MMP26: variants seen among roughly 807,000 people sequenced by gnomAD.
MMP26 encodes the protein matrix metalloproteinase-26.
MMP26 carries 33 observed loss-of-function variants against 31.0 expected under a neutral mutation model. The observed-to-expected ratio is 1.06, with a 90% CI of 0.81 to 1.42. The LOEUF (loss-of-function observed/expected upper bound fraction) is 1.42, where lower values mean the gene tolerates loss of function less well. MMP26 is among the 40% of genes most tolerant of loss of function. The probability of loss-of-function intolerance (pLI) is 0.00; values close to 1 mark genes in which losing one functional copy is unlikely to be tolerated. For missense variants in MMP26, 347 were observed against 316.1 expected, an observed-to-expected ratio of 1.10 and a Z score of -0.74; for synonymous variants, 122 against 114.9, an observed-to-expected ratio of 1.06 and a Z score of -0.40.
At chr11:4,785,754 A>G (rs1278115001) in intron 2 of MMP26, among the ~76,000 whole-genome samples, 1 of 152,220 alleles carries the variant, frequency 6.6e-6, no homozygotes, top group Non-Finnish European at 1.5e-5. Context: ...GGAGATAACT[A>G]TAATTAAGCA....
intron 2 of MMP26, chr11:4,821,510 C>A: frequency 2.5e-6 from 4 of 1,612,066 alleles, no homozygotes; most frequent in South Asian, 1.1e-5. Context: ...TACTGGATCT[C>A]CATCCCTTTT....
intron 2 of MMP26, chr11:4,769,219 A>C: frequency 6.2e-7 from 1 of 1,613,898 alleles, no homozygotes; most frequent in Non-Finnish European, 8.5e-7. Context: ...GCCATTCTTC[A>C]GGGGAGGCAA....
chr11:4,778,379 G>A (rs546473977), intron 2 of MMP26, among the ~76,000 whole-genome samples: 11 of 151,956 alleles, frequency 7.2e-5, no homozygotes, highest in African/African-American at 1.2e-4. Context: ...TCTGGTATTC[G>A]TTATTAAAAT....
intron 1 of MMP26, among the ~76,000 whole-genome samples, chr11:4,738,862 T>A (rs147261572): frequency 2.6e-5 from 4 of 152,188 alleles, no homozygotes; most frequent in Non-Finnish European, 5.9e-5. Flanking sequence ...ATATGTAGCC[T>A]TTTAAGGAAA....
intron 2 of MMP26, chr11:4,860,117 C>T (rs1356797455): frequency 2.1e-6 from 1 of 471,066 alleles, no homozygotes; most frequent in Non-Finnish European, 4.4e-6. Context: ...CGGGTGAGGA[C>T]AGCTATTCCA....
chr11:4,904,804 T>G (rs888438957), intron 2 of MMP26, among the ~76,000 whole-genome samples: 1 of 152,192 alleles, frequency 6.6e-6, no homozygotes, highest in Non-Finnish European at 1.5e-5. Flanking sequence ...TATTTTATAT[T>G]TCTTCCATTC....
chr11:4,838,244 G>GGAGGCA (rs1167128378), intron 2 of MMP26, among the ~76,000 whole-genome samples: 2 of 135,326 alleles, frequency 1.5e-5, no homozygotes, highest in East Asian at 4.7e-4. Flanking sequence ...CATGAACCCA[G>GGAGGCA]GAGGCAGAAC....
chr11:4,817,986 G>T (rs1297479483), intron 2 of MMP26, among the ~76,000 whole-genome samples: 1 of 152,154 alleles, frequency 6.6e-6, no homozygotes, highest in Non-Finnish European at 1.5e-5. Flanking sequence ...GTCTAAACTG[G>T]GGGACAAGAG....
chr11:4,766,289 A>C (rs1407715049), intron 1 of MMP26, among the ~76,000 whole-genome samples: 1 of 152,162 alleles, frequency 6.6e-6, no homozygotes, highest in Non-Finnish European at 1.5e-5. Flanking sequence ...CAGGAGATAG[A>C]ATTATGCGAA....
chr11:4,923,775 G>T lies in MMP26; in HGVS notation c.-144-64293G>T, dbSNP rs546668814. On this transcript the variant is annotated intron_variant, in intron 2 of 7. Transcript: ENST00000380390. ...TTGACAATGATGCTAGAGCAGGCCAGCTTCATGATCTCCAGGTGAAGACAA... is the reference window on the plus strand; with the variant it reads ...TTGACAATGATGCTAGAGCAGGCCATCTTCATGATCTCCAGGTGAAGACAA... 3 of 1,614,082 alleles carry T rather than the reference G, an allele frequency of 1.9e-6. No homozygotes were observed. The African/African-American group carries it at 4.0e-5, about 22-fold the overall frequency.
intron 2 of MMP26, among the ~76,000 whole-genome samples, chr11:4,950,623 T>C (rs1364517133): frequency 8.2e-6 from 1 of 122,446 alleles, no homozygotes; most frequent in Non-Finnish European, 1.8e-5. Flanking sequence ...ATATAGCTAA[T>C]ATTTGAGTCC....
intron 2 of MMP26, among the ~76,000 whole-genome samples, chr11:4,850,604 A>T (rs1041888788): frequency 1.3e-5 from 2 of 152,180 alleles, no homozygotes; most frequent in Non-Finnish European, 2.9e-5. Flanking sequence ...ATCTAAAGAA[A>T]AGTAAAATAA....
intron 2 of MMP26, chr11:4,847,424 T>G (rs1849887708): frequency 6.6e-6 from 1 of 152,218 alleles, no homozygotes; most frequent in African/African-American, 2.4e-5. Context: ...AGATTATTCT[T>G]ATTTGTTCTA....
At chr11:4,906,290 G>A (rs1181434702) in intron 2 of MMP26, among the ~76,000 whole-genome samples, 1 of 152,164 alleles carries the variant, frequency 6.6e-6, no homozygotes, top group Admixed American at 6.5e-5. Context: ...ACAGATACTT[G>A]TTTGTGGTTT....
At chr11:4,912,273 T>A (rs1851002753) in intron 2 of MMP26, among the ~76,000 whole-genome samples, 1 of 151,912 alleles carries the variant, frequency 6.6e-6, no homozygotes, top group Non-Finnish European at 1.5e-5. Context: ...AATAAAATAA[T>A]TTGTCCAAGT....
At chr11:4,977,471 A>G (rs1208864435) in intron 2 of MMP26, among the ~76,000 whole-genome samples, 1 of 152,056 alleles carries the variant, frequency 6.6e-6, no homozygotes, top group Non-Finnish European at 1.5e-5. Flanking sequence ...GACTTTGGAT[A>G]AAGTGGTTCC....
intron 1 of MMP26, among the ~76,000 whole-genome samples, chr11:4,735,382 G>A (rs770039722): frequency 6.6e-6 from 1 of 152,134 alleles, no homozygotes; most frequent in Non-Finnish European, 1.5e-5. Flanking sequence ...GCGTGCATGT[G>A]TGTGTGTGTA....
intron 1 of MMP26, among the ~76,000 whole-genome samples, chr11:4,757,809 A>T (rs1439383714): frequency 1.3e-5 from 2 of 152,202 alleles, no homozygotes; most frequent in East Asian, 1.9e-4. Flanking sequence ...AAGAGAAAAA[A>T]AAAAGGGAAA....
At chr11:4,725,249 A>G (rs1473000523) in intron 1 of MMP26, among the ~76,000 whole-genome samples, 1 of 152,234 alleles carries the variant, frequency 6.6e-6, no homozygotes, top group Admixed American at 6.5e-5. Flanking sequence ...AGGTATTTAT[A>G]GCAGTGTGAG....
Sources: gnomAD v4.1 joint callset for allele counts (sites outside exome capture counted in the v4.1 genomes callset) on GRCh38, gnomAD v4.1.1 for gene constraint, MANE v1.5 for transcripts, NCBI Gene and HGNC (gene_info 2026-07-23, HGNC 2026-07-21) for gene names.